OLFML1: variants seen among roughly 807,000 people sequenced by gnomAD.
OLFML1 encodes olfactomedin like 1, also known as olfactomedin-like protein 1.
In OLFML1, 33 loss-of-function variants were observed where a neutral mutation model predicts 37.3. The observed-to-expected ratio is 0.88, with a 90% CI of 0.67 to 1.18. The LOEUF (loss-of-function observed/expected upper bound fraction) is 1.18, where lower values mean the gene tolerates loss of function less well. Among genes scored for constraint, OLFML1 ranks in the 50% most tolerant of loss-of-function variants. The probability of loss-of-function intolerance (pLI) is 0.00; values close to 1 mark genes in which losing one functional copy is unlikely to be tolerated. For synonymous variants in OLFML1, 186 were observed against 181.3 expected, an observed-to-expected ratio of 1.03 and a Z score of -0.21; for missense variants, 545 against 483.7, an observed-to-expected ratio of 1.13 and a Z score of -1.19.
chr11:7,500,922 T>C (rs2134183148), intron 2 of OLFML1, among the ~76,000 whole-genome samples: 2 of 151,702 alleles, frequency 1.3e-5, no homozygotes, highest in South Asian at 4.2e-4. Context: ...ATTATATGAG[T>C]TAATGTAAAG....
At chr11:7,487,141 C>G (rs1378775327) in intron 1 of OLFML1, among the ~76,000 whole-genome samples, 1 of 152,192 alleles carries the variant, frequency 6.6e-6, no homozygotes, top group Non-Finnish European at 1.5e-5. Context: ...ACAGACTGAT[C>G]CTTTTATAGC....
In OLFML1 at chr11:7,510,279, C is replaced by G; in HGVS notation, c.*91C>G. The G allele has an allele frequency of 1.0e-6, 1 of 984,688 alleles. No homozygotes were observed. Among genetic ancestry groups the G allele is most frequent in the Middle Eastern group, 3.0e-4 (1 of 3,380 alleles). 61.0% of individuals were successfully genotyped at this position (984,688 alleles called of 1,614,324 possible). A position where few individuals can be genotyped will look rare whatever the true frequency, so the allele number is the denominator to read the frequency against. On this transcript the variant is annotated 3_prime_UTR_variant, in exon 3 of 3. Transcript: ENST00000329293. ...AGCCCCTTCACAATATAGTATCCCTCTAATCACACACAGGAAGAGTGTGTA... is the reference window on the plus strand; with the variant it reads ...AGCCCCTTCACAATATAGTATCCCTGTAATCACACACAGGAAGAGTGTGTA...
intron 2 of OLFML1, among the ~76,000 whole-genome samples, chr11:7,509,145 T>G (rs1848821451): frequency 6.6e-6 from 1 of 152,236 alleles, no homozygotes; most frequent in Non-Finnish European, 1.5e-5. Context: ...AAGAATGGGC[T>G]TGGCTTCTTG....
At chr11:7,497,342 GT>G (rs1313612719) in intron 2 of OLFML1, among the ~76,000 whole-genome samples, 1 of 152,122 alleles carries the variant, frequency 6.6e-6, no homozygotes, top group African/African-American at 2.4e-5. Context: ...TAGAGCTGAC[GT>G]TCTTTTGAGG....
intron 2 of OLFML1, among the ~76,000 whole-genome samples, chr11:7,494,537 T>C (rs1848638469): frequency 6.6e-6 from 1 of 152,214 alleles, no homozygotes; most frequent in Admixed American, 6.5e-5. Flanking sequence ...AACTAATAGA[T>C]GGCAGAGCTG....
chr11:7,509,346 C>A, intron 2 of OLFML1, 52 bp from the exon 3 acceptor site: 3 of 1,396,128 alleles, frequency 2.1e-6, no homozygotes, highest in Non-Finnish European at 2.9e-6. Context: ...TTCCAGAAAG[C>A]AGACAGCTCA....
intron 2 of OLFML1, among the ~76,000 whole-genome samples, chr11:7,501,366 G>C (rs1316853986): frequency 6.6e-6 from 1 of 152,158 alleles, no homozygotes; most frequent in Non-Finnish European, 1.5e-5. Flanking sequence ...CATTCCCCAG[G>C]GCTTTCGCTT....
Position 7,485,804 on chromosome 11 carries a change from C to A in OLFML1, c.-72C>A. 2 of 1,502,396 alleles carry A rather than the reference C, an allele frequency of 1.3e-6. No individual in the cohort carries two copies. Among genetic ancestry groups the A allele is most frequent in the South Asian group, 1.2e-5 (1 of 82,776 alleles). The allele number at this position is 1,502,396 out of a possible 1,614,324, so 93.1% of individuals were successfully genotyped here. On this transcript the variant is annotated 5_prime_UTR_variant, in exon 1 of 3. Coordinates refer to ENST00000329293, the MANE Select transcript of OLFML1 (RefSeq NM_198474.4). ...CAGCAGCGGATAGAGCAGGAGAGCA[C>A]CACCGGAGCCCTTGAGACATCCTTG...
intron 2 of OLFML1, among the ~76,000 whole-genome samples, chr11:7,507,823 A>T (rs1425312779): frequency 6.6e-6 from 1 of 152,202 alleles, no homozygotes; most frequent in Admixed American, 6.5e-5. Flanking sequence ...CTGGGATTAC[A>T]GGTGTGAGCC....
chr11:7,488,269 G>T lies in OLFML1; in HGVS notation c.272G>T (p.Arg91Ile). The part of the protein sequence containing the change: ...YKSAVGNLAL[R>I]VERAQREIDY... ...AGTGCAGTGGGTAACTTGGCACTGA[G>T]AGTTGAACGTGCCCAACGGGAGATT... is the stretch of plus-strand genomic sequence containing the variant. Residue 91 changes from arginine to isoleucine, a missense_variant, in exon 2 of 3, where the codon AGA becomes ATA. Physicochemically the swap from Arg to Ile is moderately conservative, Grantham distance 97. Transcript: ENST00000329293. The T allele has an allele frequency of 6.2e-7, 1 of 1,614,086 alleles. No individual in the cohort carries two copies. Among genetic ancestry groups the T allele is most frequent in the Non-Finnish European group, 8.5e-7 (1 of 1,179,984 alleles).
Position 7,509,831 on chromosome 11 carries a change from T to G in OLFML1, c.852T>G (p.Ser284=). Residue 284 remains serine (S), a synonymous_variant, in exon 3 of 3, where the codon TCT becomes TCG. Coordinates refer to ENST00000329293, the MANE Select transcript of OLFML1 (RefSeq NM_198474.4). ...VDEHGLWAIH[S]GPGTHSHLVL... is the part of the protein sequence containing the mutation. ...AGCATGGGCTCTGGGCCATCCACTC[T>G]GGGCCAGGCACCCATAGCCATTTGG... 1.2e-6 allele frequency: 2 copies of G among 1,614,194 alleles called. No homozygotes were observed. The highest frequency in any genetic ancestry group is 1.7e-6 in the Non-Finnish European group (2 of 1,179,990).
chr11:7,494,526 C>T (rs1029748231), intron 2 of OLFML1, among the ~76,000 whole-genome samples: 1 of 152,228 alleles, frequency 6.6e-6, no homozygotes, highest in East Asian at 1.9e-4. Context: ...CAAGGTCACA[C>T]AACTAATAGA....
intron 2 of OLFML1, among the ~76,000 whole-genome samples, chr11:7,507,824 G>A (rs10743025): frequency 0.59 from 90,158 of 152,072 alleles, 27,069 homozygotes; most frequent in Non-Finnish European, 0.6. Flanking sequence ...TGGGATTACA[G>A]GTGTGAGCCA....
In OLFML1 at chr11:7,500,735, T is replaced by A. The variant is rs941955111; in HGVS notation, c.419-8663T>A. Reference sequence around the variant, plus strand: ...ATGTTTAAGAAGGTTTTTTTTTTTTTAAAAAGAATTATACGGGGCTGGGCA... The same window carrying A: ...ATGTTTAAGAAGGTTTTTTTTTTTTAAAAAAGAATTATACGGGGCTGGGCA... On this transcript the variant is annotated intron_variant, in intron 2 of 2. Coordinates refer to ENST00000329293, the MANE Select transcript of OLFML1 (RefSeq NM_198474.4). 1.2e-3 allele frequency among the ~76,000 whole-genome samples: 175 copies of A among 151,004 alleles called. 1 individual carries two copies. The highest frequency in any genetic ancestry group is 4.0e-3 in the South Asian group (19 of 4,788).
chr11:7,494,296 G>A (rs79978400), intron 2 of OLFML1, among the ~76,000 whole-genome samples: 3,636 of 152,316 alleles, frequency 0.024, 131 homozygotes, highest in African/African-American at 0.082. Flanking sequence ...TGTTAAACTA[G>A]TTCACACTTG....
intron 2 of OLFML1, among the ~76,000 whole-genome samples, chr11:7,507,553 T>G (rs1590064171): frequency 4.1e-5 from 1 of 24,126 alleles, no homozygotes; most frequent in Non-Finnish European, 9.7e-5. Flanking sequence ...TATGTGTAAC[T>G]TTTTTTTTTT....
chr11:7,487,745 G>T (rs543620022), intron 1 of OLFML1, among the ~76,000 whole-genome samples: 1 of 152,176 alleles, frequency 6.6e-6, no homozygotes, highest in South Asian at 2.1e-4. Flanking sequence ...ACCTCAAAAA[G>T]AGTCTAACAG....
intron 2 of OLFML1, among the ~76,000 whole-genome samples, chr11:7,506,644 C>T (rs1848788979): frequency 6.6e-6 from 1 of 152,074 alleles, no homozygotes. Flanking sequence ...ACATACACCA[C>T]TGTGAGATTT....
chr11:7,510,166 A>G lies in OLFML1; in HGVS notation c.1187A>G (p.Lys396Arg), dbSNP rs760510715. 1.2e-6 allele frequency: 2 copies of G among 1,608,416 alleles called. No homozygotes were observed. Among genetic ancestry groups the G allele is most frequent in the Non-Finnish European group, 1.7e-6 (2 of 1,179,318 alleles). ...GNQIIYKLQT[K>R]RKLPLK ...CAGATCATTTACAAACTCCAGACAAAGAGAAAGCTGCCTCTGAAGTAATGC... is the reference window on the plus strand; with the variant it reads ...CAGATCATTTACAAACTCCAGACAAGGAGAAAGCTGCCTCTGAAGTAATGC... The change falls in exon 3 of 3, where the codon AAG becomes AGG. Residue 396 changes from lysine to arginine, a missense_variant. Transcript: ENST00000329293.
Sources: gnomAD v4.1 joint callset for allele counts (sites outside exome capture counted in the v4.1 genomes callset) on GRCh38, gnomAD v4.1.1 for gene constraint, MANE v1.5 for transcripts, NCBI Gene and HGNC (gene_info 2026-07-23, HGNC 2026-07-21) for gene names.